The following PHACTR1 variants were observed in gnomAD, a reference collection of about 807,000 sequenced individuals.
PHACTR1 encodes phosphatase and actin regulator 1.
A neutral mutation model predicts 69.2 loss-of-function variants in PHACTR1; 16 were observed. The ratio of observed to expected loss-of-function variants is 0.23; its 90% confidence interval spans 0.16 to 0.35. PHACTR1 has a LOEUF of 0.35. PHACTR1 is among the 10% of genes least tolerant of loss of function. PHACTR1 has a pLI of 1.00. For missense variants in PHACTR1, 510 were observed against 734.7 expected, an observed-to-expected ratio of 0.69 and a Z score of 3.54; for synonymous variants, 312 against 284.5, an observed-to-expected ratio of 1.10 and a Z score of -0.97.
intron 11 of PHACTR1, among the ~76,000 whole-genome samples, chr6:13,277,389 G>C (rs1356136664): frequency 6.6e-6 from 1 of 152,168 alleles, no homozygotes; most frequent in Non-Finnish European, 1.5e-5. Flanking sequence ...TGGACTTCAT[G>C]GAAGATTCAA....
chr6:12,721,018 C>A (rs1339179890), intron 3 of PHACTR1, among the ~76,000 whole-genome samples: 5 of 152,142 alleles, frequency 3.3e-5, no homozygotes, highest in Non-Finnish European at 7.3e-5. Flanking sequence ...CAGTGTCTGC[C>A]ACATAAGAAA....
chr6:12,920,753 A>G (rs1404074605), intron 4 of PHACTR1, among the ~76,000 whole-genome samples: 1 of 152,268 alleles, frequency 6.6e-6, no homozygotes, highest in African/African-American at 2.4e-5. Flanking sequence ...AATAAACAAA[A>G]GAAAGAAAGT....
At chr6:13,270,709 A>C (rs987424974) in intron 10 of PHACTR1, among the ~76,000 whole-genome samples, 4 of 152,236 alleles carry the variant, frequency 2.6e-5, no homozygotes, top group Non-Finnish European at 4.4e-5. Flanking sequence ...TCAGGGTGCT[A>C]TAGGCTTTAT....
rs1322547510 is a variant in PHACTR1, at chr6:13,215,891, T to C, written c.986+9755T>C. Among the ~76,000 whole-genome samples the C allele has an allele frequency of 7.2e-5, 11 of 152,294 alleles. No homozygotes were observed. In the South Asian group the frequency reaches 1.0e-3, roughly 14 times the overall value. The stretch of plus-strand genomic sequence containing the variant: ...GATGATCAACTAGATGCAGGAAAGT[T>C]CCAGAGTCGTCTTGAACTCTTAGCA... On this transcript the variant is annotated intron_variant, in intron 8 of 14. Coordinates refer to ENST00000332995, the MANE Select transcript of PHACTR1 (RefSeq NM_030948.6).
intron 5 of PHACTR1, among the ~76,000 whole-genome samples, chr6:13,081,383 A>C (rs578168027): frequency 1.3e-5 from 2 of 152,228 alleles, no homozygotes; most frequent in African/African-American, 2.4e-5. Context: ...TTATGTTTTC[A>C]GTTGCATATA....
intron 5 of PHACTR1, among the ~76,000 whole-genome samples, chr6:13,131,754 G>T (rs1431046201): frequency 6.6e-6 from 1 of 152,150 alleles, no homozygotes; most frequent in Non-Finnish European, 1.5e-5. Context: ...TATTTTTAAA[G>T]CTTGCTCAGA....
intron 4 of PHACTR1, among the ~76,000 whole-genome samples, chr6:12,946,644 G>A (rs1247584537): frequency 1.3e-5 from 2 of 152,030 alleles, no homozygotes; most frequent in African/African-American, 4.8e-5. Context: ...TGGAGAAAAA[G>A]CAAAGAAATA....
chr6:13,100,396 C>G (rs1814960204), intron 5 of PHACTR1, among the ~76,000 whole-genome samples: 1 of 152,130 alleles, frequency 6.6e-6, no homozygotes. Flanking sequence ...ACTTGTCTGC[C>G]TGTAGTAGGT....
intron 7 of PHACTR1, among the ~76,000 whole-genome samples, 169 bp from the exon 8 acceptor site, chr6:13,205,646 A>G (rs1765795189): frequency 1.3e-5 from 2 of 152,236 alleles, no homozygotes; most frequent in African/African-American, 4.8e-5. Context: ...AACAAGAGTC[A>G]ATGGATACTT....
At chr6:13,092,574 C>CTAT (rs535734566) in intron 5 of PHACTR1, among the ~76,000 whole-genome samples, 138 of 152,288 alleles carry the variant, frequency 9.1e-4, no homozygotes, top group Middle Eastern at 3.4e-3. Flanking sequence ...CACTTTATTG[C>CTAT]TATTATTATT....
At chr6:12,802,792 C>T (rs749440379) in intron 4 of PHACTR1, among the ~76,000 whole-genome samples, 19 of 152,150 alleles carry the variant, frequency 1.2e-4, no homozygotes, top group Non-Finnish European at 2.2e-4. Context: ...TCAGTGTTTA[C>T]GATCTTGATG....
At chr6:13,146,125 G>A (rs111935567) in intron 5 of PHACTR1, among the ~76,000 whole-genome samples, 2 of 152,316 alleles carry the variant, frequency 1.3e-5, no homozygotes, top group African/African-American at 4.8e-5. Flanking sequence ...GGCAGGTCAT[G>A]TAACATCTTC....
intron 10 of PHACTR1, among the ~76,000 whole-genome samples, chr6:13,268,862 G>A (rs1777195743): frequency 6.6e-6 from 1 of 152,192 alleles, no homozygotes; most frequent in South Asian, 2.1e-4. Flanking sequence ...GCTTTCCAGA[G>A]AAATGAAACA....
intron 4 of PHACTR1, among the ~76,000 whole-genome samples, chr6:12,827,688 C>G (rs1581947231): frequency 6.6e-6 from 1 of 152,270 alleles, no homozygotes; most frequent in South Asian, 2.1e-4. Flanking sequence ...TTGGAGCTGA[C>G]AAAATCTAGT....
chr6:13,155,217 A>G (rs1189624740), intron 5 of PHACTR1, among the ~76,000 whole-genome samples: 3 of 152,188 alleles, frequency 2.0e-5, no homozygotes, highest in Admixed American at 2.0e-4. Context: ...TGCTGCCCTT[A>G]GGTCAAAACA....
chr6:13,154,229 A>G (rs1193281521), intron 5 of PHACTR1, among the ~76,000 whole-genome samples: 6 of 151,948 alleles, frequency 3.9e-5, no homozygotes, highest in Admixed American at 1.3e-4. Flanking sequence ...TAGTGGTGCA[A>G]TCTCAGCTCA....
At chr6:12,972,716 A>G (rs187801778) in intron 4 of PHACTR1, among the ~76,000 whole-genome samples, 43 of 148,786 alleles carry the variant, frequency 2.9e-4, no homozygotes, top group African/African-American at 9.2e-4. Context: ...CAGTGGTGCA[A>G]TCTCGGCTCA....
At chr6:12,897,616 C>T (rs1251124172) in intron 4 of PHACTR1, among the ~76,000 whole-genome samples, 1 of 152,076 alleles carries the variant, frequency 6.6e-6, no homozygotes, top group African/African-American at 2.4e-5. Flanking sequence ...TGGCTGTAGC[C>T]TCTCCCATTC....
chr6:13,058,586 A>G (rs1295827445), intron 5 of PHACTR1, among the ~76,000 whole-genome samples: 1 of 152,206 alleles, frequency 6.6e-6, no homozygotes, highest in African/African-American at 2.4e-5. Flanking sequence ...TGTTGAAATT[A>G]TAAAAATAAA....
Sources: gnomAD v4.1 joint callset for allele counts (sites outside exome capture counted in the v4.1 genomes callset) on GRCh38, gnomAD v4.1.1 for gene constraint, MANE v1.5 for transcripts, NCBI Gene and HGNC (gene_info 2026-07-23, HGNC 2026-07-21) for gene names.